Variants in COPB2 observed in about 807,000 individuals in gnomAD.
COPB2 encodes coatomer subunit beta'.
A neutral mutation model predicts 120.8 loss-of-function variants in COPB2; 16 were observed. The ratio of observed to expected loss-of-function variants is 0.13; its 90% CI spans 0.09 to 0.20. The LOEUF is 0.20. Ranked by LOEUF, COPB2 falls within the 10% of genes least tolerant of loss-of-function variation. COPB2 has a pLI of 1.00. For missense variants in COPB2, 794 were observed against 1,076.5 expected (o/e 0.74, Z 3.67); for synonymous variants, 332 against 366.3 (o/e 0.91, Z 1.07).
chr3:139,379,765 G>A (rs942368675), intron 2 of COPB2: 10 of 295,070 alleles, frequency 3.4e-5, no homozygotes, highest in Non-Finnish European at 5.7e-5. Flanking sequence ...GCTACTCCCA[G>A]CCTCACCTCT....
At position 139,359,341 on chromosome 3, in the gene COPB2, G is replaced by T; in HGVS notation, c.2232C>A (p.Leu744=). Residue 744 remains leucine, a synonymous_variant, in exon 18 of 22, where the codon CTC becomes CTA. Coordinates refer to ENST00000333188, the MANE Select transcript of COPB2 (RefSeq NM_004766.3). ...LQGKVDACLE[L]LIRTGRLPEA... is the part of the protein sequence containing the mutation. ...CTGGCAGCCGTCCAGTTCTAATTAA[G>T]AGCTCTAGGCAGGCATCAACCCTAA... 6.2e-7 allele frequency: 1 copy of T among 1,614,086 alleles called. No individual in the cohort carries two copies. Among genetic ancestry groups the T allele is most frequent in the Non-Finnish European group, 8.5e-7 (1 of 1,179,994 alleles).
In COPB2 at chr3:139,375,595, G is replaced by A. The variant is rs763447857; in HGVS notation, c.524C>T (p.Ser175Leu). 2.2e-5 allele frequency: 35 copies of A among 1,613,718 alleles called. No homozygotes were observed. The Middle Eastern group carries it at 4.9e-4, about 23-fold the overall frequency. Residue 175 changes from serine (S) to leucine (L), a missense_variant, in exon 6 of 22, where the codon TCG becomes TTG. Physicochemically the swap from Ser to Leu is moderately radical, Grantham distance 145 (BLOSUM62 -2). This residue lies in a region of COPB2 where 610 missense variants were observed against 866.7 expected (regional missense o/e 0.70). Coordinates refer to ENST00000333188, the MANE Select transcript of COPB2 (RefSeq NM_004766.3). ...TCCTTCCAAAGTGAAGTTTGGTGAC[G>A]AAGAGCCCAACTGCCACACCTGCAG... Reference protein sequence around the residue: ...RTIKVWQLGSSSPNFTLEGHE... With the variant: ...RTIKVWQLGSLSPNFTLEGHE...
At chr3:139,364,234 T>TTACC (rs1941475962) in intron 15 of COPB2, among the ~76,000 whole-genome samples, 1 of 152,128 alleles carries the variant, frequency 6.6e-6, no homozygotes, top group Non-Finnish European at 1.5e-5. Flanking sequence ...GTCTCATGAA[T>TTACC]GGTAGGGCTA....
chr3:139,358,699 G>A (rs1355930136), intron 20 of COPB2, 45 bp downstream of exon 20: 2 of 1,294,554 alleles, frequency 1.5e-6, no homozygotes, highest in East Asian at 2.3e-5. Context: ...AAAAAAAAAA[G>A]TGAACCATCT....
At chr3:139,375,240 T>C (rs1553777678) in intron 6 of COPB2, among the ~76,000 whole-genome samples, 1 of 152,216 alleles carries the variant, frequency 6.6e-6, no homozygotes, top group Non-Finnish European at 1.5e-5. Flanking sequence ...AATTTCTAAA[T>C]GCAATTATGA....
At chr3:139,386,912 C>T (rs1401535835) in intron 1 of COPB2, among the ~76,000 whole-genome samples, 1 of 151,894 alleles carries the variant, frequency 6.6e-6, no homozygotes, top group Non-Finnish European at 1.5e-5. Context: ...TAAAAAAGAA[C>T]AGGCAGCCAG....
Position 139,359,091 on chromosome 3 carries a change from C to T in COPB2, c.2391G>A (p.Leu797=). ...SLADPTEYEN[L]FPGLKEAFVV... ...CAAAGGCTTCTTTTAATCCAGGGAACAGGTTTTCATACTCTGTTGGGTCAG... is the reference window on the plus strand; with the variant it reads ...CAAAGGCTTCTTTTAATCCAGGGAATAGGTTTTCATACTCTGTTGGGTCAG... Residue 797 remains leucine (L), a synonymous_variant, in exon 19 of 22, where the codon CTG becomes CTA. Coordinates refer to ENST00000333188, the MANE Select transcript of COPB2 (RefSeq NM_004766.3). The T allele has an allele frequency of 1.9e-6, 3 of 1,614,162 alleles. No individual in the cohort carries two copies. Among genetic ancestry groups the T allele is most frequent in the South Asian group, 1.1e-5 (1 of 91,080 alleles).
At chr3:139,358,011 G>A (rs1276258995) in intron 21 of COPB2, 53 bp from the exon 22 acceptor site, 9 of 1,139,838 alleles carry the variant, frequency 7.9e-6, no homozygotes, top group African/African-American at 1.5e-5. Flanking sequence ...TTAAAGGAAA[G>A]TTATCCGTGG....
intron 5 of COPB2, among the ~76,000 whole-genome samples, 194 bp from the exon 6 acceptor site, chr3:139,375,808 C>A (rs566243016): frequency 6.6e-6 from 1 of 152,086 alleles, no homozygotes; most frequent in Admixed American, 6.5e-5. Context: ...ATCACTATGG[C>A]GTTCTTTAAA....
At chr3:139,375,148 ATTG>A (rs1213596435) in intron 6 of COPB2, among the ~76,000 whole-genome samples, 1 of 152,222 alleles carries the variant, frequency 6.6e-6, no homozygotes, top group Non-Finnish European at 1.5e-5. Context: ...ATGGTTGGTA[ATTG>A]TTGATCTGCT....
Position 139,382,317 on chromosome 3 carries a change from TGAA to T in COPB2, c.141+978_141+980del, listed in dbSNP as rs1233866809. 3.3e-5 allele frequency: 5 copies of T among 152,294 alleles called. No homozygotes were observed. In the East Asian group the frequency reaches 7.7e-4, roughly 23 times the overall value. The allele number at this position is 152,294 out of a possible 1,614,324, so 9.4% of individuals were successfully genotyped here. The stretch of plus-strand genomic sequence containing the variant: ...TTGCTCTCTCTCTCCTGCCATCATG[TGAA>T]GAAGGTGCTTGCTTCCCCTTCACCT... On this transcript the variant is annotated intron_variant, in intron 2 of 21. Transcript: ENST00000333188.
At position 139,373,843 on chromosome 3, in the gene COPB2, C is replaced by T. The variant is rs1941667890; in HGVS notation, c.752-35G>A. 3.7e-6 allele frequency: 6 copies of T among 1,611,358 alleles called. No homozygotes were observed. In the Admixed American group the frequency reaches 1.0e-4, roughly 27 times the overall value. On this transcript the variant is annotated intron_variant, in intron 7 of 21. Coordinates refer to ENST00000333188, the MANE Select transcript of COPB2 (RefSeq NM_004766.3). ...ACAATGTAAATACTCCCTTTTGATA[C>T]AAACATCCGACAATAAACTGTGTCA...
chr3:139,385,681 T>G (rs1486733506), intron 1 of COPB2, among the ~76,000 whole-genome samples: 1 of 152,156 alleles, frequency 6.6e-6, no homozygotes, highest in Non-Finnish European at 1.5e-5. Context: ...TATGAATAGT[T>G]TATACTAGCA....
Position 139,371,824 on chromosome 3 carries a change from C to T in COPB2, c.1104G>A (p.Val368=), listed in dbSNP as rs190096664. The change falls in exon 10 of 22, where the codon GTG becomes GTA. Residue 368 remains valine, a synonymous_variant. Coordinates refer to ENST00000333188, the MANE Select transcript of COPB2 (RefSeq NM_004766.3). ...IQHNPNGRFV[V]VCGDGEYIIY... ...TGATATACTCCCCATCACCACACAC[C>T]ACCACAAACCTAGAAATCACAGAAG... is the stretch of plus-strand genomic sequence containing the variant. The T allele has an allele frequency of 2.7e-4, 432 of 1,613,332 alleles. No individual in the cohort carries two copies. Among genetic ancestry groups the T allele is most frequent in the Non-Finnish European group, 3.4e-4 (401 of 1,179,610 alleles).
chr3:139,383,439 AAAAG>A lies in COPB2; in HGVS notation c.4-8_4-5del, dbSNP rs770499342. 1.3e-6 allele frequency: 2 copies of A among 1,539,936 alleles called. No homozygotes were observed. Among genetic ancestry groups the A allele is most frequent in the Non-Finnish European group, 1.7e-6 (2 of 1,147,160 alleles). ...TTTTGATATCAAGTCGCAGAGGCTA[AAAAG>A]AAACATTAAAAAAATTAAATTGCTA... On this transcript the variant is annotated splice_polypyrimidine_tract_variant and splice_region_variant and intron_variant, in intron 1 of 21. Transcript: ENST00000333188.
intron 8 of COPB2, 105 bp downstream of exon 8, chr3:139,373,561 G>A: frequency 1.3e-6 from 2 of 1,543,824 alleles, no homozygotes; most frequent in South Asian, 2.4e-5. Flanking sequence ...CTTAATGAAA[G>A]AAGTGCCAGT....
At chr3:139,369,583 T>C (rs1380163039) in intron 10 of COPB2, 39 bp from the exon 11 acceptor site, 2 of 1,202,290 alleles carry the variant, frequency 1.7e-6, no homozygotes, top group East Asian at 2.4e-5. Flanking sequence ...ACATGTTATA[T>C]ACTAAATCAT....
chr3:139,380,712 T>C (rs574793103), intron 2 of COPB2: 1 of 152,364 alleles, frequency 6.6e-6, no homozygotes, highest in South Asian at 2.1e-4. Context: ...TGTCCTACTC[T>C]GACTTTTCAA....
intron 10 of COPB2, among the ~76,000 whole-genome samples, chr3:139,371,364 A>G (rs1427186913): frequency 4.6e-5 from 7 of 152,236 alleles, no homozygotes; most frequent in Admixed American, 1.3e-4. Flanking sequence ...TCAGGACACT[A>G]CATCACAGGG....
Sources: allele counts gnomAD v4.1 joint callset (sites outside exome capture counted in the v4.1 genomes callset), GRCh38; gene constraint gnomAD v4.1.1; regional missense constraint gnomAD v4.1.1; transcripts MANE v1.5; gene names NCBI Gene and HGNC (gene_info 2026-07-23, HGNC 2026-07-21).